TACC1: variants seen among roughly 807,000 people sequenced by gnomAD.
TACC1 encodes transforming acidic coiled-coil containing protein 1, also known as transforming acidic coiled-coil-containing protein 1.
In TACC1, 48 loss-of-function variants were observed where a neutral mutation model predicts 84.4. That is an observed-to-expected ratio of 0.57 (90% CI 0.45 to 0.72). The LOEUF (loss-of-function observed/expected upper bound fraction) is 0.72, where lower values mean the gene tolerates loss of function less well. Among genes scored for constraint, TACC1 ranks in the 30% least tolerant of loss-of-function variants. The pLI is 0.00. For synonymous variants in TACC1, 372 were observed against 376.3 expected (o/e 0.99, Z 0.13); for missense variants, 920 against 973.0 (o/e 0.95, Z 0.72).
chr8:38,770,410 C>T lies in TACC1; in HGVS notation c.27-18294C>T, dbSNP rs3739248. 2.6e-3 allele frequency among the ~76,000 whole-genome samples: 402 copies of T among 152,250 alleles called. 15 individuals carry two copies. The East Asian group carries it at 0.068, about 26-fold the overall frequency. On this transcript the variant is annotated intron_variant, in intron 3 of 14. Coordinates refer to the TACC1 transcript ENST00000518415. ...CCTCGGGTTTTCCCTCCCCTGCCCC[C>T]TCCGCCGCGCTCTCCCCCTTCGCAC... is the stretch of plus-strand genomic sequence containing the variant.
At chr8:38,776,320 T>G (rs1290053998) in intron 3 of TACC1, among the ~76,000 whole-genome samples, 2 of 152,220 alleles carry the variant, frequency 1.3e-5, no homozygotes, top group African/African-American at 4.8e-5. Context: ...GTAGTCTCAG[T>G]CCTGTTTTTA....
At chr8:38,737,286 C>T (rs1218059039) in intron 1 of TACC1, among the ~76,000 whole-genome samples, 1 of 152,136 alleles carries the variant, frequency 6.6e-6, no homozygotes, top group African/African-American at 2.4e-5. Flanking sequence ...ATTCTACCCC[C>T]AATAGTTTCA....
At chr8:38,771,888 C>T (rs772780185) in intron 3 of TACC1, among the ~76,000 whole-genome samples, 5 of 152,150 alleles carry the variant, frequency 3.3e-5, no homozygotes, top group East Asian at 1.9e-4. Flanking sequence ...TACAATCACA[C>T]GCCACCATGC....
chr8:38,848,132 A>C lies in TACC1; in HGVS notation c.*109A>C. On this transcript the variant is annotated 3_prime_UTR_variant, in exon 13 of 13. Coordinates refer to ENST00000317827, the MANE Select transcript of TACC1 (RefSeq NM_006283.3). ...TGCCCCTTTGCAGAGAAAAAAAAAA[A>C]CTTAAAAAAAGCACATGCCTACTGC... is the stretch of plus-strand genomic sequence containing the variant. 1 of 1,110,524 alleles carries C rather than the reference A, an allele frequency of 9.0e-7. No individual in the cohort carries two copies. The highest frequency in any genetic ancestry group is 1.6e-5 in the South Asian group (1 of 64,122). The allele number at this position is 1,110,524 out of a possible 1,614,324, so 68.8% of individuals were successfully genotyped here. A position where few individuals can be genotyped will look rare whatever the true frequency, so the allele number is the denominator to read the frequency against.
chr8:38,755,712 A>ACAACAG (rs1448470803), intron 3 of TACC1, among the ~76,000 whole-genome samples: 1 of 100,322 alleles, frequency 1.0e-5, no homozygotes, highest in African/African-American at 3.8e-5. Flanking sequence ...TTTCAAAACA[A>ACAACAG]CAACAACAAC....
At chr8:38,826,535 A>T (rs888658280) in intron 4 of TACC1, among the ~76,000 whole-genome samples, 1 of 152,198 alleles carries the variant, frequency 6.6e-6, no homozygotes, top group African/African-American at 2.4e-5. Context: ...TAAAGAAAAA[A>T]GTTTCACAGA....
chr8:38,760,254 C>T lies in TACC1; in HGVS notation c.26+14761C>T, dbSNP rs117718070. Among the ~76,000 whole-genome samples the T allele has an allele frequency of 2.8e-4, 43 of 152,312 alleles. 1 individual carries two copies. In the East Asian group the frequency reaches 6.5e-3, roughly 23 times the overall value. On this transcript the variant is annotated intron_variant, in intron 3 of 14. Coordinates refer to the TACC1 transcript ENST00000518415. ...AAAAGAAATGTCTGATTTTAAGATACAATTCATTATTATTGAGAATTGTAG... is the reference window on the plus strand; with the variant it reads ...AAAAGAAATGTCTGATTTTAAGATATAATTCATTATTATTGAGAATTGTAG...
intron 9 of TACC1, among the ~76,000 whole-genome samples, chr8:38,841,781 C>T (rs17586524): frequency 0.17 from 26,503 of 152,070 alleles, 2,730 homozygotes; most frequent in Non-Finnish European, 0.24. Flanking sequence ...TCAGACCCAG[C>T]GGTGCCTTTA....
At chr8:38,765,939 G>A (rs998979453) in intron 3 of TACC1, among the ~76,000 whole-genome samples, 6 of 151,876 alleles carry the variant, frequency 4.0e-5, no homozygotes, top group African/African-American at 9.7e-5. Flanking sequence ...AAGCATTTTC[G>A]CTTCCTCTGC....
chr8:38,781,444 C>G lies in TACC1; in HGVS notation c.27-7260C>G, dbSNP rs1369571634. ...TCCCCCAGGCTGGAGTGCAGTGATG[C>G]AATCCTGGCTCACTGCAACTTCTGC... On this transcript the variant is annotated intron_variant, in intron 3 of 14. Transcript: ENST00000518415. Among the ~76,000 whole-genome samples the G allele has an allele frequency of 2.0e-5, 3 of 150,878 alleles. No homozygotes were observed. In the South Asian group the frequency reaches 6.3e-4, roughly 32 times the overall value.
Position 38,737,222 on chromosome 8 carries a change from C to T in TACC1, c.-674-5129C>T, listed in dbSNP as rs142121555. Among the ~76,000 whole-genome samples the T allele has an allele frequency of 4.0e-3, 606 of 152,294 alleles. 3 individuals are homozygous for T. The highest frequency in any genetic ancestry group is 0.014 in the African/African-American group (578 of 41,546). On this transcript the variant is annotated intron_variant, in intron 1 of 14. Coordinates refer to the TACC1 transcript ENST00000518415. Reference sequence around the variant, plus strand: ...ACTTCTCCTCCGTGCCTCCCTATCACGCCTTCCCACCAACTGGCCTCCTCC... The same window carrying T: ...ACTTCTCCTCCGTGCCTCCCTATCATGCCTTCCCACCAACTGGCCTCCTCC...
At chr8:38,735,684 C>T (rs567377430) in intron 1 of TACC1, among the ~76,000 whole-genome samples, 173 of 152,284 alleles carry the variant, frequency 1.1e-3, no homozygotes, top group Non-Finnish European at 2.1e-3. Flanking sequence ...CCCTGGGCTA[C>T]GCTGCTGTCT....
At chr8:38,769,492 G>T (rs978442552) in intron 3 of TACC1, among the ~76,000 whole-genome samples, 8 of 138,110 alleles carry the variant, frequency 5.8e-5, no homozygotes, top group African/African-American at 1.9e-4. Context: ...TATGGGTGAG[G>T]GTATGTGGTG....
intron 3 of TACC1, among the ~76,000 whole-genome samples, chr8:38,765,022 C>CG (rs963508219): frequency 2.3e-4 from 35 of 151,672 alleles, no homozygotes; most frequent in Middle Eastern, 6.8e-3. Context: ...TCGCTTGAAC[C>CG]GGGGGGATGG....
At chr8:38,794,577 T>TGTGC (rs904891955) in intron 2 of TACC1, among the ~76,000 whole-genome samples, 1 of 152,204 alleles carries the variant, frequency 6.6e-6, no homozygotes, top group Non-Finnish European at 1.5e-5. Flanking sequence ...TGTGTGTGTG[T>TGTGC]GTGCGTGCTA....
At position 38,849,802 on chromosome 8, in the gene TACC1, A is replaced by G. The variant is rs533580871; in HGVS notation, c.*1779A>G. 106 of 152,794 alleles carry G rather than the reference A, an allele frequency of 6.9e-4. No individual in the cohort carries two copies. Among genetic ancestry groups the G allele is most frequent in the African/African-American group, 2.1e-3 (88 of 41,580 alleles). The allele number at this position is 152,794 out of a possible 1,614,324, so 9.5% of individuals were successfully genotyped here. ...TCTGTCATTTGAGAAGTGGCTTGACAATCATTTGAGCTTTGAAAGCAGTCA... is the reference window on the plus strand; with the variant it reads ...TCTGTCATTTGAGAAGTGGCTTGACGATCATTTGAGCTTTGAAAGCAGTCA... On this transcript the variant is annotated 3_prime_UTR_variant, in exon 13 of 13. Coordinates refer to ENST00000317827, the MANE Select transcript of TACC1 (RefSeq NM_006283.3).
rs1554527309 is a variant in TACC1, at chr8:38,820,360, AC to A, written c.1117del (p.Arg373GlufsTer63). The A allele has an allele frequency of 6.2e-7, 1 of 1,614,082 alleles. No individual in the cohort carries two copies. Among genetic ancestry groups the A allele is most frequent in the Non-Finnish European group, 8.5e-7 (1 of 1,180,030 alleles). On this transcript the variant is annotated frameshift_variant, in exon 3 of 13. Transcript: ENST00000317827. LOFTEE classifies it high-confidence loss of function. ...GLEQPTDPVA[R>X]DGPLSQTSSK... The stretch of plus-strand genomic sequence containing the variant: ...TAGAACAGCCTACAGACCCAGTGGC[AC>A]GAGACGGGCCTCTCTCCCAAACATC...
chr8:38,782,074 G>A (rs181784769), intron 3 of TACC1, among the ~76,000 whole-genome samples: 1,829 of 150,014 alleles, frequency 0.012, 40 homozygotes, highest in African/African-American at 0.043. Flanking sequence ...CATTGTGCAG[G>A]TTAGTTACAT....
intron 3 of TACC1, among the ~76,000 whole-genome samples, chr8:38,756,603 T>C (rs1810093168): frequency 6.6e-6 from 1 of 152,148 alleles, no homozygotes; most frequent in African/African-American, 2.4e-5. Context: ...GGAAAATTCA[T>C]TGCCTGGTTG....
Sources: allele counts gnomAD v4.1 joint callset (sites outside exome capture counted in the v4.1 genomes callset), GRCh38; gene constraint gnomAD v4.1.1; transcripts MANE v1.5; gene names NCBI Gene and HGNC (gene_info 2026-07-23, HGNC 2026-07-21).